Variants in ROBO2 observed in about 807,000 individuals in gnomAD.
ROBO2 encodes the protein roundabout guidance receptor 2.
A neutral mutation model predicts 160.8 loss-of-function variants in ROBO2; 53 were observed. The observed-to-expected ratio is 0.33, with a 90% CI of 0.26 to 0.41. The LOEUF (loss-of-function observed/expected upper bound fraction) is 0.41. Among genes scored for constraint, ROBO2 ranks in the 10% least tolerant of loss-of-function variants. The pLI is 1.00. For synonymous variants in ROBO2, 664 were observed against 611.7 expected (o/e 1.09, Z -1.26); for missense variants, 1,577 against 1,722.4 (o/e 0.92, Z 1.49).
rs535174398 is a variant in ROBO2 at position 76,015,645 on chromosome 3, G to A, written c.109+78043G>A. On this transcript the variant is annotated intron_variant, in intron 2 of 26. Transcript: ENST00000487694. Reference sequence around the variant, plus strand: ...ATTTTTAGTTTAAAATTTAGTATGCGACACAAAATGGCCAGATGGCGCACA... The same window carrying A: ...ATTTTTAGTTTAAAATTTAGTATGCAACACAAAATGGCCAGATGGCGCACA... Among the ~76,000 whole-genome samples, 11 of 152,270 alleles carry A rather than the reference G, an allele frequency of 7.2e-5. No homozygotes were observed. The East Asian group carries it at 1.5e-3, about 21-fold the overall frequency.
chr3:76,063,340 T>TC (rs1365850205), intron 2 of ROBO2, among the ~76,000 whole-genome samples: 1 of 143,882 alleles, frequency 7.0e-6, no homozygotes, highest in Non-Finnish European at 1.5e-5. Flanking sequence ...GCTGCCCTCC[T>TC]CCCTTTTTTT....
At chr3:76,375,630 G>A (rs2076306715) in intron 2 of ROBO2, among the ~76,000 whole-genome samples, 1 of 151,904 alleles carries the variant, frequency 6.6e-6, no homozygotes, top group African/African-American at 2.4e-5. Context: ...ATATTATCAG[G>A]AGAGCTACTG....
chr3:76,519,886 C>G (rs565920812), intron 2 of ROBO2, among the ~76,000 whole-genome samples: 1 of 152,130 alleles, frequency 6.6e-6, no homozygotes, highest in Non-Finnish European at 1.5e-5. Flanking sequence ...AAGATCCATG[C>G]AACTTGAATG....
intron 2 of ROBO2, among the ~76,000 whole-genome samples, chr3:77,006,500 A>G (rs1480525214): frequency 6.6e-6 from 1 of 152,120 alleles, no homozygotes; most frequent in Non-Finnish European, 1.5e-5. Context: ...AAAAGTGACA[A>G]GAGGAACAGG....
intron 2 of ROBO2, among the ~76,000 whole-genome samples, chr3:76,217,401 A>G (rs1021766386): frequency 6.6e-6 from 1 of 152,172 alleles, no homozygotes; most frequent in Non-Finnish European, 1.5e-5. Flanking sequence ...GCTCAACAAA[A>G]TTGATAAACC....
At chr3:76,721,359 A>G (rs1241022664) in intron 2 of ROBO2, among the ~76,000 whole-genome samples, 1 of 152,196 alleles carries the variant, frequency 6.6e-6, no homozygotes, top group African/African-American at 2.4e-5. Flanking sequence ...TTAATTATAA[A>G]GTAGCATATT....
At chr3:76,878,228 AGAAATGTTT>A (rs2072974967) in intron 2 of ROBO2, among the ~76,000 whole-genome samples, 1 of 152,194 alleles carries the variant, frequency 6.6e-6, no homozygotes, top group Admixed American at 6.5e-5. Flanking sequence ...AGTGAATGGA[AGAAATGTTT>A]TACCTCTGGC....
chr3:77,234,580 T>C (rs560215063), intron 2 of ROBO2, among the ~76,000 whole-genome samples: 1 of 152,166 alleles, frequency 6.6e-6, no homozygotes, highest in Non-Finnish European at 1.5e-5. Context: ...GAAAGGGACA[T>C]TTATCCCCCA....
At chr3:76,548,349 T>A (rs974522080) in intron 2 of ROBO2, among the ~76,000 whole-genome samples, 1 of 152,086 alleles carries the variant, frequency 6.6e-6, no homozygotes, top group Admixed American at 6.5e-5. Context: ...TGGACACACA[T>A]AGATTCCAGC....
At chr3:76,322,787 T>A (rs2072675069) in intron 2 of ROBO2, among the ~76,000 whole-genome samples, 1 of 152,228 alleles carries the variant, frequency 6.6e-6, no homozygotes, top group African/African-American at 2.4e-5. Context: ...ATTTATAGTT[T>A]AAATTCTTAC....
chr3:76,878,471 T>C (rs1409222938), intron 2 of ROBO2, among the ~76,000 whole-genome samples: 1 of 152,194 alleles, frequency 6.6e-6, no homozygotes, highest in African/African-American at 2.4e-5. Context: ...CCTTTGAACA[T>C]TTCCCACATA....
intron 2 of ROBO2, among the ~76,000 whole-genome samples, chr3:77,169,890 C>G (rs895459301): frequency 2.0e-5 from 3 of 152,124 alleles, no homozygotes; most frequent in Non-Finnish European, 4.4e-5. Flanking sequence ...CCACTGTGGT[C>G]GTCCTGGGGT....
At chr3:76,229,851 T>C (rs894577501) in intron 2 of ROBO2, among the ~76,000 whole-genome samples, 1 of 152,142 alleles carries the variant, frequency 6.6e-6, no homozygotes, top group Non-Finnish European at 1.5e-5. Flanking sequence ...TCCATAACTT[T>C]AGCTCATGAA....
intron 2 of ROBO2, among the ~76,000 whole-genome samples, chr3:76,330,191 GTAAAACAAAATTA>G (rs1014378026): frequency 3.9e-5 from 6 of 152,230 alleles, no homozygotes; most frequent in Middle Eastern, 3.4e-3. Context: ...GGAACATAAA[GTAAAACAAAATTA>G]TGCAGATTAG....
intron 2 of ROBO2, among the ~76,000 whole-genome samples, chr3:76,375,668 T>C (rs2076308695): frequency 6.6e-6 from 1 of 151,916 alleles, no homozygotes. Context: ...TTACATAACA[T>C]AGAAGATAGA....
At chr3:77,291,868 T>C (rs1296857260) in intron 2 of ROBO2, among the ~76,000 whole-genome samples, 1 of 151,340 alleles carries the variant, frequency 6.6e-6, no homozygotes, top group Non-Finnish European at 1.5e-5. Flanking sequence ...ACCCCAGACA[T>C]AAAGTAAAAT....
intron 5 of ROBO2, among the ~76,000 whole-genome samples, chr3:77,495,716 T>C (rs994638831): frequency 1.1e-4 from 17 of 152,320 alleles, no homozygotes; most frequent in African/African-American, 3.8e-4. Flanking sequence ...GACATGCTCT[T>C]CTTAGCACAT....
chr3:76,849,054 A>G (rs991491357), intron 2 of ROBO2, among the ~76,000 whole-genome samples: 1 of 152,196 alleles, frequency 6.6e-6, no homozygotes, highest in Non-Finnish European at 1.5e-5. Context: ...GTGTCACCCC[A>G]TCTGTTTCCT....
chr3:76,444,253 C>T (rs1218976616), intron 2 of ROBO2, among the ~76,000 whole-genome samples: 12 of 152,158 alleles, frequency 7.9e-5, no homozygotes, highest in Non-Finnish European at 1.5e-5. Flanking sequence ...GCTGGGATTA[C>T]AGGCGTGAGG....
Sources: gnomAD v4.1 joint callset for allele counts (sites outside exome capture counted in the v4.1 genomes callset) on GRCh38, gnomAD v4.1.1 for gene constraint, MANE v1.5 for transcripts, NCBI Gene and HGNC (gene_info 2026-07-23, HGNC 2026-07-21) for gene names.